Variants in XKR4 observed in about 807,000 individuals in gnomAD.
The protein encoded by XKR4 is XK-related protein 4.
In XKR4, 12 loss-of-function variants were observed where a neutral mutation model predicts 53.9. That is an observed-to-expected ratio of 0.22 (90% CI 0.14 to 0.36). The LOEUF (loss-of-function observed/expected upper bound fraction) is 0.36. XKR4 is among the 10% of genes least tolerant of loss of function. The pLI, the probability that XKR4 is intolerant of heterozygous loss-of-function variation, is 1.00. For missense variants in XKR4, 799 were observed against 859.5 expected, an observed-to-expected ratio of 0.93 and a Z score of 0.88; for synonymous variants, 354 against 362.4, an observed-to-expected ratio of 0.98 and a Z score of 0.26.
At chr8:55,384,521 C>A (rs574338769) in intron 2 of XKR4, among the ~76,000 whole-genome samples, 2 of 152,258 alleles carry the variant, frequency 1.3e-5, no homozygotes, top group African/African-American at 2.4e-5. Flanking sequence ...AAAAAAATAG[C>A]CAAACGTTAG....
intron 2 of XKR4, among the ~76,000 whole-genome samples, chr8:55,511,389 AG>A (rs1806623556): frequency 6.6e-6 from 1 of 152,222 alleles, no homozygotes; most frequent in Non-Finnish European, 1.5e-5. Flanking sequence ...GTGTCCGTTG[AG>A]GTCCCAGGAC....
intron 1 of XKR4, among the ~76,000 whole-genome samples, chr8:55,131,163 A>C (rs77590018): frequency 6.7e-6 from 1 of 150,210 alleles, no homozygotes; most frequent in Non-Finnish European, 1.5e-5. Context: ...GCTGTCTCAA[A>C]AACAACAACA....
At chr8:55,452,351 G>A in intron 2 of XKR4, 1 of 629,286 alleles carries the variant, frequency 1.6e-6, no homozygotes, top group Non-Finnish European at 2.9e-6. Flanking sequence ...CCCCCACCAG[G>A]GGGTCTGTGA....
intron 1 of XKR4, among the ~76,000 whole-genome samples, chr8:55,255,793 T>C (rs975683990): frequency 3.9e-5 from 6 of 152,148 alleles, no homozygotes; most frequent in Admixed American, 2.6e-4. Context: ...TGAGCTGTGA[T>C]AGACAAATTG....
At chr8:55,352,005 G>A (rs931071307) in intron 1 of XKR4, among the ~76,000 whole-genome samples, 2 of 152,204 alleles carry the variant, frequency 1.3e-5, no homozygotes, top group Non-Finnish European at 2.9e-5. Context: ...ATCAGAAACT[G>A]AGCCAGATGT....
intron 1 of XKR4, among the ~76,000 whole-genome samples, chr8:55,159,920 G>A (rs1403189043): frequency 6.6e-6 from 1 of 152,204 alleles, no homozygotes; most frequent in African/African-American, 2.4e-5. Flanking sequence ...TGATGCTAGG[G>A]ATGGTTCTTC....
intron 1 of XKR4, among the ~76,000 whole-genome samples, chr8:55,136,668 T>C (rs1260892029): frequency 1.3e-5 from 2 of 152,196 alleles, no homozygotes; most frequent in Admixed American, 6.5e-5. Context: ...GAATTGTACA[T>C]CCTCTTTTTA....
intron 1 of XKR4, among the ~76,000 whole-genome samples, chr8:55,243,407 T>C (rs1818238529): frequency 6.6e-6 from 1 of 152,234 alleles, no homozygotes; most frequent in African/African-American, 2.4e-5. Flanking sequence ...TTTCAGTATT[T>C]TACAGGATGT....
intron 2 of XKR4, among the ~76,000 whole-genome samples, chr8:55,383,421 G>T (rs1804263795): frequency 6.6e-6 from 1 of 152,186 alleles, no homozygotes; most frequent in Non-Finnish European, 1.5e-5. Flanking sequence ...GGGCCTAGAA[G>T]AAGGACAAGG....
At chr8:55,498,270 A>G (rs1255353600) in intron 2 of XKR4, among the ~76,000 whole-genome samples, 1 of 152,186 alleles carries the variant, frequency 6.6e-6, no homozygotes, top group Non-Finnish European at 1.5e-5. Flanking sequence ...TCCCACTGCT[A>G]GGGAAGACGG....
intron 1 of XKR4, among the ~76,000 whole-genome samples, chr8:55,136,172 G>GCC (rs1816626583): frequency 6.6e-6 from 1 of 152,154 alleles, no homozygotes; most frequent in African/African-American, 2.4e-5. Context: ...GATTACACGT[G>GCC]TGAGCCACTG....
At chr8:55,453,881 A>T in intron 2 of XKR4, 1 of 572,428 alleles carries the variant, frequency 1.7e-6, no homozygotes. Context: ...GCAGTACGGG[A>T]CCCCACACTC....
At chr8:55,469,163 G>C (rs965302823) in intron 2 of XKR4, among the ~76,000 whole-genome samples, 1 of 152,030 alleles carries the variant, frequency 6.6e-6, no homozygotes, top group Admixed American at 6.6e-5. Context: ...CATTAGTTCT[G>C]AGCTGCAGTG....
At chr8:55,318,105 A>C (rs1370089377) in intron 1 of XKR4, among the ~76,000 whole-genome samples, 1 of 152,166 alleles carries the variant, frequency 6.6e-6, no homozygotes, top group Non-Finnish European at 1.5e-5. Context: ...TGTTGGCTTG[A>C]ATCAATGTCT....
chr8:55,182,457 A>G (rs1337983072), intron 1 of XKR4, among the ~76,000 whole-genome samples: 1 of 152,108 alleles, frequency 6.6e-6, no homozygotes, highest in South Asian at 2.1e-4. Flanking sequence ...TTAGTCTATA[A>G]TCTTTATTGT....
chr8:55,248,861 G>GT (rs1818328258), intron 1 of XKR4, among the ~76,000 whole-genome samples: 1 of 151,802 alleles, frequency 6.6e-6, no homozygotes, highest in Non-Finnish European at 1.5e-5. Flanking sequence ...CTTGTGACTT[G>GT]TTTTTTTCCT....
At chr8:55,301,759 T>C (rs1036538563) in intron 1 of XKR4, among the ~76,000 whole-genome samples, 4 of 152,242 alleles carry the variant, frequency 2.6e-5, no homozygotes, top group Non-Finnish European at 5.9e-5. Flanking sequence ...ATGATGAACA[T>C]TTTTTCATGT....
rs550659457 is a variant in XKR4, at chr8:55,186,602, G to C, written c.806+83308G>C. ...ACCCAGGAGGCAGAGTTTGCAGTGA[G>C]CCGAGACGGTGCCACTGCACTCCAG... On this transcript the variant is annotated intron_variant, in intron 1 of 2. Coordinates refer to ENST00000327381, the MANE Select transcript of XKR4 (RefSeq NM_052898.2). 1.8e-4 allele frequency among the ~76,000 whole-genome samples: 27 copies of C among 152,262 alleles called. No individual in the cohort carries two copies. The South Asian group carries it at 3.5e-3, about 20-fold the overall frequency.
intron 1 of XKR4, among the ~76,000 whole-genome samples, chr8:55,117,917 T>C (rs1025638265): frequency 6.6e-6 from 1 of 152,214 alleles, no homozygotes; most frequent in Non-Finnish European, 1.5e-5. Context: ...TGGACTCAAA[T>C]TTGAGTCTTC....
Sources: allele counts gnomAD v4.1 joint callset (sites outside exome capture counted in the v4.1 genomes callset), GRCh38; gene constraint gnomAD v4.1.1; transcripts MANE v1.5; gene names NCBI Gene and HGNC (gene_info 2026-07-23, HGNC 2026-07-21).